Variants in PDSS1 observed in about 807,000 individuals in gnomAD.
PDSS1 encodes the protein decaprenyl diphosphate synthase subunit 1.
In PDSS1, 43 loss-of-function variants were observed where a neutral mutation model predicts 57.5. That is an observed-to-expected ratio of 0.75 (90% CI 0.59 to 0.96). The LOEUF is 0.96. Ranked by LOEUF, PDSS1 falls within the 50% of genes least tolerant of loss-of-function variation. The probability of loss-of-function intolerance (pLI) is 0.00; values close to 1 mark genes in which losing one functional copy is unlikely to be tolerated. For synonymous variants in PDSS1, 175 were observed against 191.3 expected (o/e 0.91, Z 0.70); for missense variants, 438 against 527.8 (o/e 0.83, Z 1.67).
At chr10:26,731,860 C>T (rs60240306) in intron 8 of PDSS1, among the ~76,000 whole-genome samples, 22 of 152,166 alleles carry the variant, frequency 1.4e-4, no homozygotes, top group African/African-American at 1.7e-4. Context: ...GGCACGATCT[C>T]GGCTCACTGC....
At chr10:26,738,682 G>A (rs1836483207) in intron 10 of PDSS1, among the ~76,000 whole-genome samples, 1 of 152,188 alleles carries the variant, frequency 6.6e-6, no homozygotes, top group African/African-American at 2.4e-5. Context: ...ACCAGGACAA[G>A]CATTCTTGGG....
In PDSS1 at chr10:26,724,045, T is replaced by G; in HGVS notation, c.753T>G (p.Asn251Lys). 1 of 1,614,010 alleles carries G rather than the reference T, an allele frequency of 6.2e-7. No homozygotes were observed. The highest frequency in any genetic ancestry group is 8.5e-7 in the Non-Finnish European group (1 of 1,179,954). Residue 251 changes from asparagine to lysine, a missense_variant, in exon 8 of 12, where the codon AAT becomes AAG. By Grantham distance (94) the Asn-to-Lys change is moderately conservative. Transcript: ENST00000376215. ...TTCTTCAGCTCGGGTCAAAAGAAAA[T>G]GAGAATGAAAGATTTGCACACTACC... ...GEFLQLGSKE[N>K]ENERFAHYLE...
chr10:26,730,489 G>A (rs1391927123), intron 8 of PDSS1, among the ~76,000 whole-genome samples: 2 of 151,720 alleles, frequency 1.3e-5, no homozygotes, highest in African/African-American at 4.8e-5. Flanking sequence ...CACACCTGAA[G>A]TCCCAGCTAC....
At chr10:26,716,317 A>G (rs1835574530) in intron 5 of PDSS1, among the ~76,000 whole-genome samples, 1 of 152,252 alleles carries the variant, frequency 6.6e-6, no homozygotes, top group African/African-American at 2.4e-5. Flanking sequence ...GTAAAACCAC[A>G]TGTAAACCTC....
chr10:26,734,103 A>C (rs984274696), intron 8 of PDSS1, among the ~76,000 whole-genome samples: 1 of 152,184 alleles, frequency 6.6e-6, no homozygotes, highest in Non-Finnish European at 1.5e-5. Context: ...TGTGATTTCT[A>C]CATTGTACAG....
intron 6 of PDSS1, 100 bp from the exon 7 acceptor site, chr10:26,723,706 C>T (rs1006013525): frequency 9.8e-6 from 8 of 820,176 alleles, no homozygotes; most frequent in Non-Finnish European, 6.5e-6. Flanking sequence ...CAAGATGAGC[C>T]CCCACTTCCA....
chr10:26,746,310 C>CTGTT (rs1836900051), intron 11 of PDSS1, 23 bp from the exon 12 acceptor site: 2 of 1,613,316 alleles, frequency 1.2e-6, no homozygotes, highest in Admixed American at 3.3e-5. Flanking sequence ...GGCATCTGTT[C>CTGTT]TGTTTTGTTC....
intron 10 of PDSS1, 115 bp from the exon 11 acceptor site, chr10:26,742,382 G>C: frequency 1.3e-6 from 1 of 793,144 alleles, no homozygotes; most frequent in Non-Finnish European, 2.1e-6. Flanking sequence ...TAGACACTTA[G>C]TTTCATTTTT....
At chr10:26,715,542 A>T (rs1470676927) in intron 5 of PDSS1, 1 of 152,200 alleles carries the variant, frequency 6.6e-6, no homozygotes, top group African/African-American at 2.4e-5. Flanking sequence ...GATTACAGGC[A>T]CACACCATCA....
Position 26,713,147 on chromosome 10 carries a change from C to T in PDSS1, c.467+3379C>T, listed in dbSNP as rs1023561764. Among the ~76,000 whole-genome samples, 4 of 95,772 alleles carry T rather than the reference C, an allele frequency of 4.2e-5. 2 individuals are homozygous for T. The highest frequency in any genetic ancestry group is 4.8e-5 in the Non-Finnish European group (2 of 41,722). The allele number at this position is 95,772 out of a possible 152,430, so 62.8% of individuals were successfully genotyped here. ...CTCTACTAAAAATACAAAAAATTAG[C>T]TGGGCATGGTGGCACGCACCTGTCG... On this transcript the variant is annotated intron_variant, in intron 5 of 11. Coordinates refer to ENST00000376215, the MANE Select transcript of PDSS1 (RefSeq NM_014317.5).
chr10:26,707,775 A>G (rs75550491), intron 4 of PDSS1, among the ~76,000 whole-genome samples: 2,322 of 152,096 alleles, frequency 0.015, 51 homozygotes, highest in African/African-American at 0.053. Context: ...GTAGCTAACT[A>G]CTCACCGGGA....
At chr10:26,697,876 A>G (rs1292506942) in intron 1 of PDSS1, 36 bp downstream of exon 1, 20 of 1,264,156 alleles carry the variant, frequency 1.6e-5, no homozygotes, top group South Asian at 2.6e-5. Context: ...CGGGGCTCAG[A>G]GGTCACGGCT....
At chr10:26,737,204 C>T (rs1004761259) in intron 10 of PDSS1, among the ~76,000 whole-genome samples, 4 of 152,150 alleles carry the variant, frequency 2.6e-5, no homozygotes, top group Admixed American at 6.5e-5. Context: ...TTGTTAAGTA[C>T]TTGTTATGAA....
rs1279686311 is a variant in PDSS1 at position 26,746,619 on chromosome 10, T to A, written c.*146T>A. 1.2e-6 allele frequency: 1 copy of A among 865,360 alleles called. No individual in the cohort carries two copies. Among genetic ancestry groups the A allele is most frequent in the African/African-American group, 1.7e-5 (1 of 58,654 alleles). 53.6% of individuals were successfully genotyped at this position (865,360 alleles called of 1,614,324 possible). On this transcript the variant is annotated 3_prime_UTR_variant, in exon 12 of 12. Coordinates refer to ENST00000376215, the MANE Select transcript of PDSS1 (RefSeq NM_014317.5). ...TATTGATGGGCAATTTATTTTTTTTTATTGCAAAAGTTTTTTCAGAAAACT... is the reference window on the plus strand; with the variant it reads ...TATTGATGGGCAATTTATTTTTTTTAATTGCAAAAGTTTTTTCAGAAAACT...
intron 1 of PDSS1, among the ~76,000 whole-genome samples, chr10:26,698,424 A>T (rs999879847): frequency 6.6e-6 from 1 of 152,192 alleles, no homozygotes; most frequent in Non-Finnish European, 1.5e-5. Context: ...CACTGGAAGG[A>T]GAAAGGCCCG....
At chr10:26,717,259 C>G (rs1435287857) in intron 5 of PDSS1, among the ~76,000 whole-genome samples, 1 of 151,954 alleles carries the variant, frequency 6.6e-6, no homozygotes, top group Non-Finnish European at 1.5e-5. Context: ...GAGACAGAGT[C>G]TCGCTCTACC....
intron 1 of PDSS1, among the ~76,000 whole-genome samples, chr10:26,700,048 T>C (rs1834997868): frequency 1.3e-5 from 2 of 152,224 alleles, no homozygotes; most frequent in African/African-American, 2.4e-5. Context: ...AGAGCTCTAC[T>C]ACCTCCTAAT....
intron 1 of PDSS1, among the ~76,000 whole-genome samples, chr10:26,700,453 G>A (rs1748350): frequency 0.59 from 90,295 of 151,798 alleles, 28,449 homozygotes; most frequent in East Asian, 0.8. Flanking sequence ...TTGGCTCTGT[G>A]TGCCCACCCA....
chr10:26,742,704 G>C, intron 11 of PDSS1, 127 bp downstream of exon 11: 1 of 683,754 alleles, frequency 1.5e-6, no homozygotes, highest in Admixed American at 2.3e-5. Context: ...CTCTTGATGT[G>C]ACAAAAACTG....
Sources: gnomAD v4.1 joint callset for allele counts (sites outside exome capture counted in the v4.1 genomes callset) on GRCh38, gnomAD v4.1.1 for gene constraint, MANE v1.5 for transcripts, NCBI Gene and HGNC (gene_info 2026-07-23, HGNC 2026-07-21) for gene names.